MRPS6: variants seen among roughly 807,000 people sequenced by gnomAD.
MRPS6 encodes the protein small ribosomal subunit protein bS6m.
MRPS6 carries 6 observed loss-of-function variants against 13.1 expected under a neutral mutation model. The observed-to-expected ratio is 0.46, with a 90% confidence interval of 0.25 to 0.91. The LOEUF is 0.91. Ranked by LOEUF, MRPS6 falls within the 40% of genes least tolerant of loss-of-function variation. The pLI is 0.18. For missense variants in MRPS6, 164 were observed against 155.6 expected, an observed-to-expected ratio of 1.05 and a Z score of -0.29; for synonymous variants, 61 against 56.5, an observed-to-expected ratio of 1.08 and a Z score of -0.36.
chr21:34,135,346 GTTTTTTTTT>G (rs747809642), intron 2 of MRPS6: 3 of 147,138 alleles, frequency 2.0e-5, no homozygotes, highest in Non-Finnish European at 3.9e-5. Context: ...ATGAGAGCCG[GTTTTTTTTT>G]TTTTTTTTTT....
chr21:34,083,559 A>G (rs1429210535), intron 1 of MRPS6, among the ~76,000 whole-genome samples: 2 of 152,228 alleles, frequency 1.3e-5, no homozygotes, highest in Non-Finnish European at 2.9e-5. Flanking sequence ...TTAAGTAAGC[A>G]AATGACCCAG....
At chr21:34,100,075 G>C in intron 1 of MRPS6, 1 of 997,484 alleles carries the variant, frequency 1.0e-6, no homozygotes, top group Non-Finnish European at 1.2e-6. Flanking sequence ...ACATTAACAT[G>C]TGTATATTTT....
At chr21:34,137,346 C>T (rs908328968) in intron 2 of MRPS6, among the ~76,000 whole-genome samples, 7 of 152,076 alleles carry the variant, frequency 4.6e-5, no homozygotes, top group Admixed American at 2.0e-4. Context: ...CTTTCAGCAG[C>T]GTTTTGTAGT....
chr21:34,101,008 A>G (rs1337945782), intron 1 of MRPS6: 1 of 1,000,020 alleles, frequency 1.0e-6, no homozygotes, highest in South Asian at 4.7e-5. Flanking sequence ...AAGGGATCAC[A>G]TGGGTCGTTG....
At chr21:34,135,897 G>T in intron 2 of MRPS6, 1 of 507,652 alleles carries the variant, frequency 2.0e-6, no homozygotes. Context: ...GCCCTGCATT[G>T]TGAGGCAGGT....
chr21:34,139,308 C>G (rs931221968), intron 2 of MRPS6, among the ~76,000 whole-genome samples: 1 of 151,786 alleles, frequency 6.6e-6, no homozygotes, highest in African/African-American at 2.4e-5. Context: ...GCACATTGTG[C>G]ACATGTACCC....
chr21:34,142,638 T>G lies in MRPS6; in HGVS notation c.*38T>G. 2.6e-6 allele frequency: 4 copies of G among 1,545,852 alleles called. No homozygotes were observed. The highest frequency in any genetic ancestry group is 3.5e-6 in the Non-Finnish European group (4 of 1,149,844). ...GATTTTAGCCTTATATGTAATTCCT[T>G]CACATTTGGGCAGCATGGACGAGAA... On this transcript the variant is annotated 3_prime_UTR_variant, in exon 3 of 3. Transcript: ENST00000399312.
Position 34,125,402 on chromosome 21 carries a change from T to G in MRPS6, c.107T>G (p.Val36Gly). The stretch of plus-strand genomic sequence containing the variant: ...GCCCTGATGGACAGAGGAGCAATAG[T>G]GAGGGACTTGGAAAACCTGGGTGAA... Reference protein sequence around the residue: ...IEALMDRGAIVRDLENLGERA... With the variant: ...IEALMDRGAIGRDLENLGERA... The change falls in exon 2 of 3, where the codon GTG (valine) becomes GGG (glycine). Residue 36 changes from valine to glycine, a missense_variant. Transcript: ENST00000399312. 1.2e-6 allele frequency: 2 copies of G among 1,614,060 alleles called. No individual in the cohort carries two copies. Among genetic ancestry groups the G allele is most frequent in the Non-Finnish European group, 1.7e-6 (2 of 1,179,954 alleles).
chr21:34,085,752 G>C lies in MRPS6; in HGVS notation c.45+12007G>C, dbSNP rs1297768531. Among the ~76,000 whole-genome samples the C allele has an allele frequency of 2.0e-5, 3 of 152,078 alleles. No homozygotes were observed. The East Asian group carries it at 5.8e-4, about 30-fold the overall frequency. ...GCTGGGACTGGGACTACAGGCGCCC[G>C]CCACCGCACCCAGCTAATTTTTTGT... On this transcript the variant is annotated intron_variant, in intron 1 of 2. Coordinates refer to ENST00000399312, the MANE Select transcript of MRPS6 (RefSeq NM_032476.4).
At chr21:34,134,144 A>G (rs1454492675) in intron 2 of MRPS6, among the ~76,000 whole-genome samples, 1 of 152,246 alleles carries the variant, frequency 6.6e-6, no homozygotes, top group Non-Finnish European at 1.5e-5. Context: ...GTAATCAATA[A>G]TTAAATCTTG....
intron 2 of MRPS6, among the ~76,000 whole-genome samples, chr21:34,137,220 T>C (rs1181817858): frequency 3.9e-5 from 6 of 152,238 alleles, no homozygotes; most frequent in Non-Finnish European, 5.9e-5. Flanking sequence ...TGTCAATAGA[T>C]TTTATTTCAG....
intron 2 of MRPS6, among the ~76,000 whole-genome samples, chr21:34,135,149 TG>T (rs1980645976): frequency 6.6e-6 from 1 of 152,158 alleles, no homozygotes; most frequent in Non-Finnish European, 1.5e-5. Flanking sequence ...TGGCATTGTA[TG>T]TAGTGAATAT....
chr21:34,092,450 G>A (rs992216836), intron 1 of MRPS6, among the ~76,000 whole-genome samples: 62 of 152,156 alleles, frequency 4.1e-4, no homozygotes, highest in African/African-American at 1.5e-3. Context: ...AAGCCTAGGC[G>A]GAGAGTTGAG....
chr21:34,106,941 C>T (rs62212122), intron 1 of MRPS6, among the ~76,000 whole-genome samples: 8,791 of 150,500 alleles, frequency 0.058, 293 homozygotes, highest in Middle Eastern at 0.13. Context: ...TTTTTTTTGG[C>T]GGTGGAGGGG....
intron 1 of MRPS6, among the ~76,000 whole-genome samples, chr21:34,089,103 T>G (rs144089375): frequency 2.6e-5 from 4 of 151,886 alleles, no homozygotes; most frequent in African/African-American, 9.7e-5. Flanking sequence ...CTCGGCTCAC[T>G]GCAACCTCCA....
intron 2 of MRPS6, among the ~76,000 whole-genome samples, chr21:34,134,606 C>T (rs1249857946): frequency 1.3e-5 from 2 of 152,162 alleles, no homozygotes; most frequent in East Asian, 1.9e-4. Flanking sequence ...AGATAATAAA[C>T]ATATTTGTCA....
intron 1 of MRPS6, among the ~76,000 whole-genome samples, chr21:34,073,993 C>A (rs925152540): frequency 7.5e-5 from 11 of 146,058 alleles, no homozygotes; most frequent in African/African-American, 2.2e-4. Flanking sequence ...GGGTGTGCCT[C>A]GCAAGCGGCC....
intron 1 of MRPS6, among the ~76,000 whole-genome samples, chr21:34,122,009 A>G (rs1049851315): frequency 6.6e-5 from 10 of 152,144 alleles, no homozygotes; most frequent in African/African-American, 2.2e-4. Context: ...TGAGGAATAC[A>G]CCCTCTATAC....
chr21:34,117,729 C>T (rs1422722565), intron 1 of MRPS6, among the ~76,000 whole-genome samples: 1 of 152,140 alleles, frequency 6.6e-6, no homozygotes, highest in Non-Finnish European at 1.5e-5. Context: ...ATTTGGTCTG[C>T]CCATAAGAGA....
Sources: allele counts gnomAD v4.1 joint callset (sites outside exome capture counted in the v4.1 genomes callset), GRCh38; gene constraint gnomAD v4.1.1; transcripts MANE v1.5; gene names NCBI Gene and HGNC (gene_info 2026-07-23, HGNC 2026-07-21).